Variants in PLXNA1 observed in about 807,000 individuals in gnomAD.
PLXNA1 encodes plexin-A1.
A neutral mutation model predicts 191.7 loss-of-function variants in PLXNA1; 77 were observed. The observed-to-expected ratio is 0.40, with a 90% CI of 0.33 to 0.49. The LOEUF is 0.49. Ranked by LOEUF, PLXNA1 falls within the 20% of genes least tolerant of loss-of-function variation. The pLI, the probability that PLXNA1 is intolerant of heterozygous loss-of-function variation, is 0.63. For synonymous variants in PLXNA1, 1,137 were observed against 1,156.4 expected (o/e 0.98, Z 0.34); for missense variants, 2,110 against 2,660.2 (o/e 0.79, Z 4.55).
intron 3 of PLXNA1, among the ~76,000 whole-genome samples, chr3:126,998,389 A>G (rs547722573): frequency 6.6e-6 from 1 of 152,196 alleles, no homozygotes; most frequent in East Asian, 1.9e-4. Flanking sequence ...GGTTTGAGGG[A>G]AGACACTGGG....
intron 3 of PLXNA1, among the ~76,000 whole-genome samples, chr3:127,002,476 G>C (rs929059100): frequency 3.3e-5 from 5 of 152,250 alleles, no homozygotes; most frequent in Admixed American, 6.5e-5. Context: ...CTCTGTAACC[G>C]TGAGGAGTGA....
In PLXNA1 at chr3:127,004,765, A is replaced by C. The variant is rs576200736; in HGVS notation, c.1619+54A>C. 685 of 1,587,540 alleles carry C rather than the reference A, an allele frequency of 4.3e-4. 2 individuals carry two copies. The East Asian group carries it at 5.0e-3, about 12-fold the overall frequency. ...GCGGGGAGGGCCATGGTGGTCTCACAGTGGGGGAGGGGGAGCCTGGTGCAG... is the reference window on the plus strand; with the variant it reads ...GCGGGGAGGGCCATGGTGGTCTCACCGTGGGGGAGGGGGAGCCTGGTGCAG... On this transcript the variant is annotated intron_variant, in intron 5 of 31. Transcript: ENST00000393409.
At chr3:126,991,871 C>T (rs2078992521) in intron 3 of PLXNA1, among the ~76,000 whole-genome samples, 1 of 152,120 alleles carries the variant, frequency 6.6e-6, no homozygotes, top group African/African-American at 2.4e-5. Flanking sequence ...CACTTGACCT[C>T]CTGGGGAGGC....
At chr3:127,010,833 G>A (rs777813524) in intron 9 of PLXNA1, among the ~76,000 whole-genome samples, 4 of 152,208 alleles carry the variant, frequency 2.6e-5, no homozygotes, top group Non-Finnish European at 4.4e-5. Flanking sequence ...CTGGCTTGCT[G>A]CAGGCTGAGC....
Position 127,018,384 on chromosome 3 carries a change from G to A in PLXNA1, c.3751G>A (p.Gly1251Arg). The A allele has an allele frequency of 4.3e-6, 7 of 1,613,062 alleles. No individual in the cohort carries two copies. Among genetic ancestry groups the A allele is most frequent in the Middle Eastern group, 1.7e-4 (1 of 6,048 alleles). The change falls in exon 20 of 32, where the codon GGA becomes AGA. Residue 1251 changes from glycine (G) to arginine (R), a missense_variant. Gly to Arg is a moderately radical substitution (Grantham distance 125). Coordinates refer to ENST00000393409, the MANE Select transcript of PLXNA1 (RefSeq NM_032242.4). ...LTLPAIVGIG[G>R]GGGLLLLVIV... ...GCTGCCTGCCATTGTGGGCATTGGC[G>A]GAGGCGGGGGTCTCCTGCTGCTGGT...
At chr3:127,002,305 C>A (rs1045479420) in intron 3 of PLXNA1, among the ~76,000 whole-genome samples, 1 of 152,206 alleles carries the variant, frequency 6.6e-6, no homozygotes, top group East Asian at 1.9e-4. Context: ...GGGGGGTGGC[C>A]GGCGGCGCTC....
chr3:127,009,550 T>TGCCCCC, intron 9 of PLXNA1, among the ~76,000 whole-genome samples: 2 of 139,640 alleles, frequency 1.4e-5, no homozygotes, highest in South Asian at 2.4e-4. Context: ...CCAGTGGCAG[T>TGCCCCC]CCCCCCCCAA....
At chr3:127,014,398 C>A (rs752890909) in intron 12 of PLXNA1, 23 bp downstream of exon 12, 7 of 1,574,602 alleles carry the variant, frequency 4.4e-6, no homozygotes, top group Non-Finnish European at 6.0e-6. Flanking sequence ...GCCCTGCCCC[C>A]ACACCCCATG....
At chr3:127,023,453 G>A (rs2079161902) in intron 23 of PLXNA1, among the ~76,000 whole-genome samples, 1 of 152,256 alleles carries the variant, frequency 6.6e-6, no homozygotes, top group Non-Finnish European at 1.5e-5. Flanking sequence ...CCACTCCTGA[G>A]AGGTGGGAGG....
chr3:127,014,933 T>C (rs2079115371), intron 14 of PLXNA1, 102 bp downstream of exon 14: 19 of 1,498,986 alleles, frequency 1.3e-5, no homozygotes, highest in Non-Finnish European at 1.5e-5. Context: ...GGCCATGCTC[T>C]GCCACTGCTT....
Position 127,004,882 on chromosome 3 carries a change from C to T in PLXNA1, c.1620-3C>T. ...CGCCCAGCCTCAACCCCTCTGCCTG[C>T]AGCTGCTCGCGGCGGGACGCCTGTG... On this transcript the variant is annotated splice_region_variant and splice_polypyrimidine_tract_variant and intron_variant, in intron 5 of 31. Transcript: ENST00000393409. 2 of 1,587,506 alleles carry T rather than the reference C, an allele frequency of 1.3e-6. No individual in the cohort carries two copies. Among genetic ancestry groups the T allele is most frequent in the East Asian group, 2.2e-5 (1 of 44,488 alleles).
Position 127,029,093 on chromosome 3 carries a change from C to T in PLXNA1, c.4770C>T (p.Tyr1590=). 1.2e-6 allele frequency: 2 copies of T among 1,612,990 alleles called. No homozygotes were observed. Among genetic ancestry groups the T allele is most frequent in the Non-Finnish European group, 1.7e-6 (2 of 1,179,258 alleles). ...DWKRLNTLAH[Y]QVTDGSSVAL... is the part of the protein sequence containing the mutation. ...AGAGGCTGAACACACTGGCTCACTA[C>T]CAGGTGGCTCCCGGCCCTCCGACCC... is the stretch of plus-strand genomic sequence containing the variant. The change falls in exon 26 of 32, where the codon TAC becomes TAT. Residue 1590 remains tyrosine, a synonymous_variant. Transcript: ENST00000393409.
chr3:126,991,920 C>G (rs565989428), intron 3 of PLXNA1, among the ~76,000 whole-genome samples: 81 of 152,238 alleles, frequency 5.3e-4, no homozygotes, highest in African/African-American at 1.9e-3. Flanking sequence ...TGCGCGGCCC[C>G]CTCCCCTCTG....
chr3:126,993,564 T>G, intron 3 of PLXNA1, among the ~76,000 whole-genome samples: 1 of 152,056 alleles, frequency 6.6e-6, no homozygotes, highest in East Asian at 1.9e-4. Context: ...CCTCAGAGGC[T>G]CTAGGTGCCC....
chr3:127,027,507 A>C (rs1353553992), intron 23 of PLXNA1: 9 of 370,852 alleles, frequency 2.4e-5, no homozygotes, highest in Non-Finnish European at 4.8e-5. Flanking sequence ...CGCTTGTGCC[A>C]TGGGCGGTGG....
intron 25 of PLXNA1, among the ~76,000 whole-genome samples, chr3:127,028,614 G>A (rs1213009698): frequency 6.6e-6 from 1 of 152,140 alleles, no homozygotes; most frequent in Non-Finnish European, 1.5e-5. Context: ...TCAGGCTCAT[G>A]AGAGGGGCAG....
At position 127,007,762 on chromosome 3, in the gene PLXNA1, G is replaced by A. The variant is rs754003677; in HGVS notation, c.1998-37G>A. The A allele has an allele frequency of 5.1e-5, 73 of 1,419,762 alleles. No individual in the cohort carries two copies. The highest frequency in any genetic ancestry group is 1.9e-4 in the Middle Eastern group (1 of 5,388). The allele number at this position is 1,419,762 out of a possible 1,614,324, so 87.9% of individuals were successfully genotyped here. On this transcript the variant is annotated intron_variant, in intron 8 of 31. Coordinates refer to ENST00000393409, the MANE Select transcript of PLXNA1 (RefSeq NM_032242.4). ...ATCATGGGTGACTCCACGTGGTTGCGGGTCCCCAGGCTTCAGCACCCACCC... is the reference window on the plus strand; with the variant it reads ...ATCATGGGTGACTCCACGTGGTTGCAGGTCCCCAGGCTTCAGCACCCACCC...
chr3:126,989,574 G>C lies in PLXNA1; in HGVS notation c.981G>C (p.Gln327His). The C allele has an allele frequency of 6.2e-7, 1 of 1,613,246 alleles. No individual in the cohort carries two copies. The highest frequency in any genetic ancestry group is 8.5e-7 in the Non-Finnish European group (1 of 1,180,016). The change falls in exon 2 of 32, where the codon CAG (glutamine) becomes CAC (histidine). Residue 327 changes from glutamine to histidine, a missense_variant. Physicochemically the swap from Gln to His is conservative, Grantham distance 24 (BLOSUM62 0). This residue lies in a region of PLXNA1 where 903 missense variants were observed against 1,015.7 expected (regional missense o/e 0.89). Transcript: ENST00000393409. ...LSRPGRALAH[Q>H]LGLAEDEDVL... is the part of the protein sequence containing the mutation. Reference sequence around the variant, plus strand: ...GGCCCGGCCGTGCCCTGGCCCACCAGCTGGGCCTGGCTGAGGACGAGGACG... The same window carrying C: ...GGCCCGGCCGTGCCCTGGCCCACCACCTGGGCCTGGCTGAGGACGAGGACG...
At chr3:127,007,204 G>A (rs1291179011) in intron 8 of PLXNA1, among the ~76,000 whole-genome samples, 2 of 152,144 alleles carry the variant, frequency 1.3e-5, no homozygotes, top group Non-Finnish European at 2.9e-5. Context: ...CTTCCTGGAG[G>A]CTGTTGAGAT....
Sources: allele counts gnomAD v4.1 joint callset (sites outside exome capture counted in the v4.1 genomes callset), GRCh38; gene constraint gnomAD v4.1.1; regional missense constraint gnomAD v4.1.1; transcripts MANE v1.5; gene names NCBI Gene and HGNC (gene_info 2026-07-23, HGNC 2026-07-21).